Variants in MAGI3 observed in about 807,000 individuals in gnomAD.
MAGI3 encodes membrane associated guanylate kinase, WW and PDZ domain containing 3, also known as membrane-associated guanylate kinase, WW and PDZ domain-containing protein 3.
A neutral mutation model predicts 121.8 loss-of-function variants in MAGI3; 43 were observed. The ratio of observed to expected loss-of-function variants is 0.35; its 90% CI spans 0.28 to 0.46. MAGI3 has a LOEUF of 0.46. MAGI3 is among the 20% of genes least tolerant of loss of function. The probability of loss-of-function intolerance (pLI) is 1.00; values close to 1 mark genes in which losing one functional copy is unlikely to be tolerated. For synonymous variants in MAGI3, 553 were observed against 639.3 expected (o/e 0.86, Z 2.04); for missense variants, 1,547 against 1,797.3 (o/e 0.86, Z 2.52).
chr1:113,566,999 G>T (rs10858005), intron 2 of MAGI3, among the ~76,000 whole-genome samples: 33,883 of 149,826 alleles, frequency 0.23, 4,838 homozygotes, highest in East Asian at 0.65. Flanking sequence ...ACCAAACCAG[G>T]AGTTGTTTTT....
At chr1:113,571,500 A>G (rs1647289704) in intron 2 of MAGI3, among the ~76,000 whole-genome samples, 1 of 152,128 alleles carries the variant, frequency 6.6e-6, no homozygotes, top group Non-Finnish European at 1.5e-5. Context: ...CCATTTTCAC[A>G]ATATCGGTTT....
At chr1:113,598,192 A>G (rs1177057692) in intron 6 of MAGI3, among the ~76,000 whole-genome samples, 2 of 151,992 alleles carry the variant, frequency 1.3e-5, no homozygotes, top group African/African-American at 2.4e-5. Context: ...AGCCTGGGCA[A>G]CAGAGCGAGA....
At chr1:113,418,025 C>T (rs1248508288) in intron 1 of MAGI3, among the ~76,000 whole-genome samples, 1 of 151,944 alleles carries the variant, frequency 6.6e-6, no homozygotes, top group East Asian at 1.9e-4. Context: ...ATATTCACTT[C>T]CTTGTCTGGG....
intron 2 of MAGI3, among the ~76,000 whole-genome samples, chr1:113,550,853 T>G (rs927048591): frequency 6.6e-6 from 1 of 151,342 alleles, no homozygotes; most frequent in Non-Finnish European, 1.5e-5. Flanking sequence ...TAAAGCCTTA[T>G]GCAGTAAGAA....
At chr1:113,675,742 A>G (rs1216878123) in intron 19 of MAGI3, among the ~76,000 whole-genome samples, 3 of 152,226 alleles carry the variant, frequency 2.0e-5, no homozygotes, top group African/African-American at 7.2e-5. Context: ...AAAGCTGCAG[A>G]GTGTTTATGA....
intron 1 of MAGI3, among the ~76,000 whole-genome samples, chr1:113,446,566 C>T (rs1026502640): frequency 2.0e-5 from 3 of 152,152 alleles, no homozygotes; most frequent in Non-Finnish European, 4.4e-5. Flanking sequence ...TTAAACTCTT[C>T]AACCAAAAGA....
intron 1 of MAGI3, among the ~76,000 whole-genome samples, chr1:113,528,123 T>A (rs1317674397): frequency 6.6e-6 from 1 of 152,176 alleles, no homozygotes; most frequent in Non-Finnish European, 1.5e-5. Flanking sequence ...CAGTAATATC[T>A]TAATATTAGC....
At chr1:113,622,761 T>C (rs769651804) in intron 8 of MAGI3, 45 bp from the exon 9 acceptor site, 17 of 1,445,486 alleles carry the variant, frequency 1.2e-5, no homozygotes, top group East Asian at 2.5e-5. Flanking sequence ...GCTATATTCA[T>C]TGTAATTATT....
chr1:113,556,459 C>T (rs954389415), intron 2 of MAGI3, among the ~76,000 whole-genome samples: 3 of 151,738 alleles, frequency 2.0e-5, no homozygotes, highest in Admixed American at 2.0e-4. Context: ...AATAGTGAGA[C>T]TCTGTCACTA....
At chr1:113,425,395 G>A (rs1652955095) in intron 1 of MAGI3, among the ~76,000 whole-genome samples, 1 of 140,012 alleles carries the variant, frequency 7.1e-6, no homozygotes, top group Non-Finnish European at 1.5e-5. Context: ...CCATTCTCCT[G>A]CCTCAGCCTC....
At chr1:113,548,096 G>C (rs546613314) in intron 1 of MAGI3, among the ~76,000 whole-genome samples, 1 of 152,272 alleles carries the variant, frequency 6.6e-6, no homozygotes, top group Non-Finnish European at 1.5e-5. Context: ...TAATATTGTG[G>C]AATAATAGTT....
chr1:113,515,075 G>T (rs1381877286), intron 1 of MAGI3, among the ~76,000 whole-genome samples: 1 of 151,978 alleles, frequency 6.6e-6, no homozygotes, highest in Non-Finnish European at 1.5e-5. Context: ...TTTGGTTTCT[G>T]AATAAAAGTT....
At chr1:113,405,485 A>G (rs993790362) in intron 1 of MAGI3, among the ~76,000 whole-genome samples, 9 of 135,496 alleles carry the variant, frequency 6.6e-5, no homozygotes, top group Admixed American at 6.4e-4. Context: ...AAAAAAAAAA[A>G]AAAAAAAAAA....
At chr1:113,645,774 A>G (rs1652797901) in intron 11 of MAGI3, among the ~76,000 whole-genome samples, 1 of 152,166 alleles carries the variant, frequency 6.6e-6, no homozygotes, top group African/African-American at 2.4e-5. Context: ...CAGGAAAACG[A>G]GCTGGTCTCA....
intron 1 of MAGI3, among the ~76,000 whole-genome samples, chr1:113,437,237 C>T (rs1318057464): frequency 6.6e-6 from 1 of 151,730 alleles, no homozygotes; most frequent in African/African-American, 2.4e-5. Flanking sequence ...TATTTTCAGT[C>T]TTTTCTTTCC....
At chr1:113,599,644 A>G (rs1412469062) in intron 6 of MAGI3, among the ~76,000 whole-genome samples, 4 of 151,594 alleles carry the variant, frequency 2.6e-5, no homozygotes. Flanking sequence ...CCAGAGGTAC[A>G]AGGAGGAACT....
chr1:113,636,436 C>A (rs896921423), intron 9 of MAGI3, among the ~76,000 whole-genome samples: 7 of 152,174 alleles, frequency 4.6e-5, no homozygotes, highest in Admixed American at 1.3e-4. Flanking sequence ...TGTCTTTCTT[C>A]TTGTTGGTTT....
intron 1 of MAGI3, among the ~76,000 whole-genome samples, chr1:113,413,370 TG>T (rs1361472700): frequency 2.0e-5 from 3 of 152,238 alleles, no homozygotes; most frequent in Admixed American, 6.5e-5. Flanking sequence ...GGCTCTTTTT[TG>T]GTTCCATATA....
chr1:113,618,240 G>A (rs566691775), intron 7 of MAGI3, among the ~76,000 whole-genome samples: 1 of 152,130 alleles, frequency 6.6e-6, no homozygotes, highest in East Asian at 1.9e-4. Context: ...AGGAGGCTGA[G>A]GTGGGAATAT....
Sources: allele counts gnomAD v4.1 joint callset (sites outside exome capture counted in the v4.1 genomes callset), GRCh38; gene constraint gnomAD v4.1.1; transcripts MANE v1.5; gene names NCBI Gene and HGNC (gene_info 2026-07-23, HGNC 2026-07-21).